The following TTC28 variants were observed in gnomAD, a reference collection of about 807,000 sequenced individuals.
TTC28 encodes tetratricopeptide repeat domain 28, also known as tetratricopeptide repeat protein 28.
Under a neutral mutation model 198.0 loss-of-function variants are expected in TTC28, and 61 were observed. That is an observed-to-expected ratio of 0.31 (90% CI 0.25 to 0.38). TTC28 has a LOEUF of 0.38. Ranked by LOEUF, TTC28 falls within the 10% of genes least tolerant of loss-of-function variation. The pLI is 1.00. For missense variants in TTC28, 2,678 were observed against 3,164.0 expected (o/e 0.85, Z 3.69); for synonymous variants, 1,171 against 1,297.8 (o/e 0.90, Z 2.10).
At chr22:28,340,850 C>G (rs2045817433) in intron 2 of TTC28, among the ~76,000 whole-genome samples, 1 of 152,132 alleles carries the variant, frequency 6.6e-6, no homozygotes, top group Admixed American at 6.5e-5. Context: ...TAAACAGGGT[C>G]TACAATGAAG....
intron 5 of TTC28, among the ~76,000 whole-genome samples, chr22:28,282,717 C>G (rs1439199124): frequency 1.3e-5 from 2 of 152,114 alleles, no homozygotes; most frequent in Non-Finnish European, 2.9e-5. Flanking sequence ...GAATTTAGAT[C>G]TCCTAATTCC....
chr22:27,990,893 ATG>A, intron 19 of TTC28, 81 bp from the exon 20 acceptor site: 1 of 1,406,628 alleles, frequency 7.1e-7, no homozygotes, highest in Non-Finnish European at 9.7e-7. Context: ...GTTATGCAAC[ATG>A]AGCTGATCAC....
intron 5 of TTC28, among the ~76,000 whole-genome samples, chr22:28,274,273 T>C (rs1932272034): frequency 6.6e-6 from 1 of 152,222 alleles, no homozygotes; most frequent in African/African-American, 2.4e-5. Context: ...TTTGTGTACC[T>C]TTCCATAGAT....
At chr22:28,214,763 C>G (rs935493163) in intron 5 of TTC28, among the ~76,000 whole-genome samples, 2 of 152,288 alleles carry the variant, frequency 1.3e-5, no homozygotes, top group East Asian at 3.9e-4. Flanking sequence ...ACCATTTGAT[C>G]CAGCAATCCC....
chr22:28,283,214 C>T (rs1447754956), intron 5 of TTC28, among the ~76,000 whole-genome samples: 1 of 152,072 alleles, frequency 6.6e-6, no homozygotes. Flanking sequence ...GAACTTAATA[C>T]TCCCTAAGAG....
chr22:28,283,762 A>G (rs1408529108), intron 5 of TTC28, among the ~76,000 whole-genome samples: 1 of 152,284 alleles, frequency 6.6e-6, no homozygotes, highest in Non-Finnish European at 1.5e-5. Flanking sequence ...TGTTGCTCAG[A>G]CAGACCTTGA....
chr22:28,076,630 G>A (rs1394040298), intron 12 of TTC28, among the ~76,000 whole-genome samples: 1 of 152,152 alleles, frequency 6.6e-6, no homozygotes, highest in Non-Finnish European at 1.5e-5. Context: ...AGGCTGGAGT[G>A]CAGTGGCGCA....
intron 19 of TTC28, chr22:27,992,345 T>C (rs542693732): frequency 1.6e-4 from 88 of 553,210 alleles, no homozygotes; most frequent in Non-Finnish European, 2.8e-4. Context: ...CGACCTCCCA[T>C]CATGCCGGTA....
intron 6 of TTC28, among the ~76,000 whole-genome samples, chr22:28,127,177 A>G (rs1052707060): frequency 6.6e-6 from 1 of 152,248 alleles, no homozygotes. Context: ...TACTAAAAAT[A>G]TCTAGTACAG....
At chr22:28,440,247 C>T (rs986749285) in intron 2 of TTC28, among the ~76,000 whole-genome samples, 3 of 151,972 alleles carry the variant, frequency 2.0e-5, no homozygotes, top group Admixed American at 6.6e-5. Context: ...ACCTATTGCA[C>T]TCTAGAAGAC....
At chr22:28,030,609 T>C (rs1439592143) in intron 12 of TTC28, among the ~76,000 whole-genome samples, 1 of 152,236 alleles carries the variant, frequency 6.6e-6, no homozygotes, top group East Asian at 1.9e-4. Flanking sequence ...CCGACTCTGC[T>C]GTGAACTCTC....
chr22:28,034,736 T>C (rs924407684), intron 12 of TTC28, among the ~76,000 whole-genome samples: 1 of 152,154 alleles, frequency 6.6e-6, no homozygotes, highest in Non-Finnish European at 1.5e-5. Flanking sequence ...CAGCAAGGTA[T>C]ACCTCCTGGC....
intron 12 of TTC28, among the ~76,000 whole-genome samples, chr22:28,035,795 GAA>G (rs1174258089): frequency 1.3e-5 from 2 of 152,094 alleles, no homozygotes; most frequent in African/African-American, 2.4e-5. Flanking sequence ...CTTTTAAGAC[GAA>G]AAGAGCCTGG....
intron 2 of TTC28, among the ~76,000 whole-genome samples, chr22:28,473,530 A>G (rs2048125035): frequency 6.6e-6 from 1 of 152,130 alleles, no homozygotes; most frequent in Non-Finnish European, 1.5e-5. Context: ...TTTTCTAGAA[A>G]TTTCTGAATA....
At chr22:28,460,127 T>C (rs183810251) in intron 2 of TTC28, among the ~76,000 whole-genome samples, 71 of 152,278 alleles carry the variant, frequency 4.7e-4, no homozygotes, top group Non-Finnish European at 9.0e-4. Flanking sequence ...TAGTTTTATC[T>C]AGGAGATACA....
intron 2 of TTC28, among the ~76,000 whole-genome samples, chr22:28,310,173 C>CACACACACAAAA (rs1340546067): frequency 1.1e-5 from 1 of 94,358 alleles, no homozygotes; most frequent in African/African-American, 4.5e-5. Context: ...CACACACACA[C>CACACACACAAAA]AAAAAACAAG....
intron 6 of TTC28, among the ~76,000 whole-genome samples, chr22:28,146,398 C>T (rs746023017): frequency 4.6e-5 from 7 of 152,160 alleles, no homozygotes; most frequent in African/African-American, 1.7e-4. Flanking sequence ...TCTTCACTGA[C>T]GAACTGACAC....
intron 2 of TTC28, among the ~76,000 whole-genome samples, chr22:28,549,052 G>A (rs2049602992): frequency 6.6e-6 from 1 of 151,560 alleles, no homozygotes; most frequent in Admixed American, 6.6e-5. Flanking sequence ...TTCTGAGATG[G>A]AGTCTCGCTC....
intron 6 of TTC28, among the ~76,000 whole-genome samples, chr22:28,128,692 C>T (rs764053200): frequency 2.0e-5 from 3 of 152,082 alleles, no homozygotes; most frequent in Non-Finnish European, 4.4e-5. Context: ...GCACATACCA[C>T]CATGCCCGGC....
Sources: allele counts gnomAD v4.1 joint callset (sites outside exome capture counted in the v4.1 genomes callset), GRCh38; gene constraint gnomAD v4.1.1; transcripts MANE v1.5; gene names NCBI Gene and HGNC (gene_info 2026-07-23, HGNC 2026-07-21).